ATP9B: variants seen among roughly 807,000 people sequenced by gnomAD.
The protein encoded by ATP9B is ATPase phospholipid transporting 9B.
ATP9B carries 110 observed loss-of-function variants against 146.1 expected under a neutral mutation model. The observed-to-expected ratio is 0.75, with a 90% CI of 0.65 to 0.88. The LOEUF (loss-of-function observed/expected upper bound fraction) is 0.88, where lower values mean the gene tolerates loss of function less well. Ranked by LOEUF, ATP9B falls within the 40% of genes least tolerant of loss-of-function variation. ATP9B has a pLI of 0.00. For missense variants in ATP9B, 1,499 were observed against 1,496.4 expected (o/e 1.00, Z -0.03); for synonymous variants, 604 against 569.7 (o/e 1.06, Z -0.86).
chr18:79,273,306 G>A (rs896578690), intron 12 of ATP9B, among the ~76,000 whole-genome samples: 1 of 152,122 alleles, frequency 6.6e-6, no homozygotes, highest in African/African-American at 2.4e-5. Context: ...CTCCACCATG[G>A]ATCACACTGG....
At chr18:79,199,308 T>C (rs2095443997) in intron 9 of ATP9B, among the ~76,000 whole-genome samples, 1 of 152,186 alleles carries the variant, frequency 6.6e-6, no homozygotes, top group Admixed American at 6.5e-5. Flanking sequence ...TGCCCGGCCC[T>C]ATAACTTTAA....
At chr18:79,093,904 A>G (rs997143194) in intron 1 of ATP9B, among the ~76,000 whole-genome samples, 2 of 152,224 alleles carry the variant, frequency 1.3e-5, no homozygotes, top group African/African-American at 2.4e-5. Flanking sequence ...TCATACTGCA[A>G]TTAGCATTTG....
intron 19 of ATP9B, 61 bp from the exon 20 acceptor site, chr18:79,342,207 G>T (rs940160131): frequency 3.8e-6 from 5 of 1,312,104 alleles, no homozygotes; most frequent in Non-Finnish European, 5.5e-6. Flanking sequence ...AATTATGTGA[G>T]ACATCAGAAA....
chr18:79,328,984 C>T (rs374533444), intron 15 of ATP9B, among the ~76,000 whole-genome samples, 157 bp from the exon 16 acceptor site: 2 of 152,168 alleles, frequency 1.3e-5, no homozygotes, highest in South Asian at 2.1e-4. Flanking sequence ...GTTATTCAAA[C>T]GTATATACTT....
chr18:79,083,892 C>A (rs1476303635), intron 1 of ATP9B, among the ~76,000 whole-genome samples: 1 of 145,140 alleles, frequency 6.9e-6, no homozygotes, highest in Non-Finnish European at 1.5e-5. Flanking sequence ...GAGAGGGAGT[C>A]TTTCTCTGTT....
chr18:79,349,231 C>G (rs1046301022), intron 25 of ATP9B, among the ~76,000 whole-genome samples: 2 of 152,238 alleles, frequency 1.3e-5, no homozygotes, highest in African/African-American at 4.8e-5. Flanking sequence ...ACTGACCTCC[C>G]TGACCTCTGC....
At chr18:79,313,544 CTG>C (rs2096663908) in intron 15 of ATP9B, among the ~76,000 whole-genome samples, 2 of 152,318 alleles carry the variant, frequency 1.3e-5, no homozygotes, top group South Asian at 4.1e-4. Flanking sequence ...CCAAAGAAAA[CTG>C]TATTTGAAGT....
intron 17 of ATP9B, among the ~76,000 whole-genome samples, chr18:79,332,065 A>C (rs1288226603): frequency 1.3e-5 from 2 of 152,258 alleles, no homozygotes; most frequent in Admixed American, 1.3e-4. Context: ...CGATTAACAC[A>C]TTGTGTATGT....
At chr18:79,159,211 G>A (rs2094840711) in intron 7 of ATP9B, among the ~76,000 whole-genome samples, 1 of 152,062 alleles carries the variant, frequency 6.6e-6, no homozygotes, top group Admixed American at 6.5e-5. Flanking sequence ...CAATCTGCTT[G>A]TTTAAAAAAT....
At chr18:79,245,206 A>G (rs948059212) in intron 11 of ATP9B, among the ~76,000 whole-genome samples, 6 of 152,210 alleles carry the variant, frequency 3.9e-5, no homozygotes, top group Non-Finnish European at 7.3e-5. Flanking sequence ...GGGTTAGAGA[A>G]TAGGTTCATG....
At chr18:79,087,795 G>T (rs2073972065) in intron 1 of ATP9B, 4 of 152,088 alleles carry the variant, frequency 2.6e-5, no homozygotes, top group African/African-American at 9.7e-5. Flanking sequence ...GAAACCTTTG[G>T]CTGCAGTTCA....
intron 9 of ATP9B, among the ~76,000 whole-genome samples, chr18:79,202,497 T>C (rs1011544248): frequency 6.6e-6 from 1 of 152,208 alleles, no homozygotes; most frequent in Non-Finnish European, 1.5e-5. Context: ...CCTCTGCTGT[T>C]TGTTAAGTAG....
intron 13 of ATP9B, among the ~76,000 whole-genome samples, chr18:79,278,286 G>A (rs559741220): frequency 4.6e-5 from 7 of 152,318 alleles, no homozygotes; most frequent in East Asian, 1.9e-4. Flanking sequence ...GACTTTGATC[G>A]AGTGGTGCGG....
chr18:79,181,067 T>A (rs2095247061), intron 8 of ATP9B, among the ~76,000 whole-genome samples: 2 of 151,902 alleles, frequency 1.3e-5, no homozygotes, highest in Non-Finnish European at 2.9e-5. Flanking sequence ...CACCTTGGCC[T>A]CCCAAAGTGG....
intron 4 of ATP9B, among the ~76,000 whole-genome samples, chr18:79,122,283 G>A (rs2094202962): frequency 6.6e-6 from 1 of 152,052 alleles, no homozygotes; most frequent in Non-Finnish European, 1.5e-5. Context: ...AGTTACCTCT[G>A]CATCATGAAC....
intron 10 of ATP9B, among the ~76,000 whole-genome samples, chr18:79,212,873 A>G (rs2095596878): frequency 6.6e-6 from 1 of 152,112 alleles, no homozygotes; most frequent in African/African-American, 2.4e-5. Context: ...TCTCAGTGAC[A>G]CTCAATTAAA....
At chr18:79,108,268 A>G (rs2075784829) in intron 2 of ATP9B, among the ~76,000 whole-genome samples, 1 of 152,200 alleles carries the variant, frequency 6.6e-6, no homozygotes, top group Non-Finnish European at 1.5e-5. Flanking sequence ...AGAAATAGTC[A>G]TTGAAAGCTT....
intron 5 of ATP9B, among the ~76,000 whole-genome samples, chr18:79,135,327 T>A (rs1345182662): frequency 6.6e-6 from 1 of 152,240 alleles, no homozygotes; most frequent in Non-Finnish European, 1.5e-5. Flanking sequence ...TTCTTACCCT[T>A]GGTCTTGTTT....
chr18:79,331,786 G>A (rs1050174743), intron 17 of ATP9B, among the ~76,000 whole-genome samples: 1 of 152,120 alleles, frequency 6.6e-6, no homozygotes, highest in East Asian at 1.9e-4. Flanking sequence ...GTAAGAATAT[G>A]TAAGTCTGTG....
Sources: gnomAD v4.1 joint callset for allele counts (sites outside exome capture counted in the v4.1 genomes callset) on GRCh38, gnomAD v4.1.1 for gene constraint, MANE v1.5 for transcripts, NCBI Gene and HGNC (gene_info 2026-07-23, HGNC 2026-07-21) for gene names.